Variants in CENPT observed in about 807,000 individuals in gnomAD.
The protein encoded by CENPT is centromere protein T, also known as interphase centromere complex protein 22.
In CENPT, 42 loss-of-function variants were observed where a neutral mutation model predicts 59.7. The ratio of observed to expected loss-of-function variants is 0.70; its 90% CI spans 0.55 to 0.91. The LOEUF is 0.91. CENPT is among the 40% of genes least tolerant of loss of function. The pLI is 0.00. For synonymous variants in CENPT, 295 were observed against 289.6 expected (o/e 1.02, Z -0.19); for missense variants, 716 against 713.4 (o/e 1.00, Z -0.04).
At chr16:67,841,305 G>C (rs1475624795) in intron 1 of CENPT, among the ~76,000 whole-genome samples, 2 of 149,116 alleles carry the variant, frequency 1.3e-5, no homozygotes, top group Non-Finnish European at 3.0e-5. Flanking sequence ...ATAGCTCTCA[G>C]TGGCCTGCAG....
rs1181203317 is a variant in CENPT at position 67,831,324 on chromosome 16, G to A, written c.595C>T (p.Pro199Ser). 1.2e-6 allele frequency: 2 copies of A among 1,614,046 alleles called. No homozygotes were observed. The highest frequency in any genetic ancestry group is 1.7e-6 in the Non-Finnish European group (2 of 1,180,014). ...AAGCCAGGCCTCTGCACTGACTGTG[G>A]CTGAAGAGGTGTGGCAAAGGTCAGG... ...LNLTFATPLQ[P>S]QSVQRPGLAR... is the part of the protein sequence containing the mutation. Residue 199 changes from proline (P) to serine (S), a missense_variant, in exon 10 of 16, where the codon CCA becomes TCA. Pro to Ser is a moderately conservative substitution (Grantham distance 74). Coordinates refer to ENST00000562787, the MANE Select transcript of CENPT (RefSeq NM_025082.4).
intron 1 of CENPT, chr16:67,841,517 C>T (rs2057761111): frequency 6.6e-6 from 1 of 152,032 alleles, no homozygotes; most frequent in South Asian, 2.1e-4. Flanking sequence ...TGGCCCCCAC[C>T]ACCTCCCCCC....
rs763303841 is a variant in CENPT, at chr16:67,843,574, C to G, written c.-492+3827G>C. The G allele has an allele frequency of 4.1e-5, 59 of 1,453,528 alleles. No individual in the cohort carries two copies. Among genetic ancestry groups the G allele is most frequent in the Admixed American group, 3.4e-4 (16 of 46,970 alleles). 90.0% of individuals were successfully genotyped at this position (1,453,528 alleles called of 1,614,324 possible). ...GACCGCAGGCCATTGTTGAACTCCT[C>G]TATACTCCTGGGCACTGGTTGACAG... is the stretch of plus-strand genomic sequence containing the variant. On this transcript the variant is annotated intron_variant, in intron 1 of 15. Coordinates refer to ENST00000562787, the MANE Select transcript of CENPT (RefSeq NM_025082.4). The surrounding 1 kb of genome is among the most constrained non-coding windows in gnomAD (Gnocchi z 5.7).
rs1249042284 is a variant in CENPT at position 67,828,722 on chromosome 16, TAA to T, written c.1400_1401del (p.Phe467Ter). ...TCCATGGGCATCTTGGCATAGAAGC[TAA>T]AGAGTTTCACATAGTGGCTCAGTCC... Reference protein sequence around the residue: ...KAGLSHYVKLFSFYAKMPMER... With the variant: ...KAGLSHYVKLXSFYAKMPMER... On this transcript the variant is annotated frameshift_variant, in exon 14 of 16. Coordinates refer to ENST00000562787, the MANE Select transcript of CENPT (RefSeq NM_025082.4). LOFTEE classifies it high-confidence loss of function. 1.2e-6 allele frequency: 2 copies of T among 1,614,094 alleles called. No individual in the cohort carries two copies. The highest frequency in any genetic ancestry group is 2.2e-5 in the East Asian group (1 of 44,876).
At chr16:67,832,396 C>T in intron 5 of CENPT, 59 bp downstream of exon 5, 9 of 1,608,612 alleles carry the variant, frequency 5.6e-6, no homozygotes, top group Non-Finnish European at 7.7e-6. Flanking sequence ...AGAGCTAGAC[C>T]TCAACCCCCC....
Position 67,831,200 on chromosome 16 carries a change from G to A in CENPT, c.703+16C>T. On this transcript the variant is annotated intron_variant, in intron 10 of 15. Coordinates refer to ENST00000562787, the MANE Select transcript of CENPT (RefSeq NM_025082.4). ...GAGCTTTCCCCAAAGGCCAGCAGGG[G>A]AAAACCCAACCTTACTTGGAGGAGC... 2.5e-6 allele frequency: 4 copies of A among 1,613,806 alleles called. No homozygotes were observed. Among genetic ancestry groups the A allele is most frequent in the South Asian group, 2.2e-5 (2 of 91,074 alleles).
At chr16:67,840,762 A>C (rs2151288601) in intron 1 of CENPT, among the ~76,000 whole-genome samples, 1 of 152,096 alleles carries the variant, frequency 6.6e-6, no homozygotes, top group East Asian at 1.9e-4. Context: ...AATTGGGAGA[A>C]GGAAGAACTC....
chr16:67,839,124 C>T (rs560189982), intron 1 of CENPT, among the ~76,000 whole-genome samples: 32 of 151,628 alleles, frequency 2.1e-4, no homozygotes, highest in Admixed American at 8.5e-4. Flanking sequence ...CGGTGGCTCA[C>T]GCCTGTAATC....
At position 67,843,622 on chromosome 16, in the gene CENPT, ACT is replaced by A. The variant is rs1567374949; in HGVS notation, c.-492+3777_-492+3778del. 4 of 1,005,830 alleles carry A rather than the reference ACT, an allele frequency of 4.0e-6. No homozygotes were observed. Among genetic ancestry groups the A allele is most frequent in the Admixed American group, 6.1e-5 (2 of 32,982 alleles). 62.3% of individuals were successfully genotyped at this position (1,005,830 alleles called of 1,614,324 possible). A position where few individuals can be genotyped will look rare whatever the true frequency, so the allele number is the denominator to read the frequency against. On this transcript the variant is annotated intron_variant, in intron 1 of 15. Transcript: ENST00000562787. This position sits in a 1 kb window ranked among gnomAD's most constrained non-coding sequence, Gnocchi z 5.7. Reference sequence around the variant, plus strand: ...CAGTACTGAGGCTTAAGGCAGCTGGACTCTCTTGCTGGTGACCTGGCATCCTC... The same window carrying A: ...CAGTACTGAGGCTTAAGGCAGCTGGACTCTTGCTGGTGACCTGGCATCCTC...
rs1458336016 is a variant in CENPT, at chr16:67,831,584, G to A, written c.552C>T (p.Ser184=). ...QEPQGNADAS[S]LTRSLNLTFA... is the part of the protein sequence containing the mutation. Reference sequence around the variant, plus strand: ...AACACCCAGAGCAGCACCTGGTGAGGGAAGAGGCATCAGCATTCCCTTGAG... The same window carrying A: ...AACACCCAGAGCAGCACCTGGTGAGAGAAGAGGCATCAGCATTCCCTTGAG... Residue 184 remains serine, a synonymous_variant, in exon 9 of 16, where the codon TCC becomes TCT. Coordinates refer to ENST00000562787, the MANE Select transcript of CENPT (RefSeq NM_025082.4). The A allele has an allele frequency of 1.2e-6, 2 of 1,614,168 alleles. No homozygotes were observed. Among genetic ancestry groups the A allele is most frequent in the Non-Finnish European group, 1.7e-6 (2 of 1,180,024 alleles).
chr16:67,835,861 G>A (rs1403879477), intron 1 of CENPT, among the ~76,000 whole-genome samples: 4 of 145,756 alleles, frequency 2.7e-5, no homozygotes. Context: ...TTTTTGAGAT[G>A]TTCTCCTGCC....
intron 14 of CENPT, 30 bp from the exon 15 acceptor site, chr16:67,828,608 G>A: frequency 3.7e-6 from 6 of 1,613,756 alleles, no homozygotes; most frequent in Non-Finnish European, 5.1e-6. Flanking sequence ...AGAGCAGGCT[G>A]AACAGTCTGA....
chr16:67,830,129 G>C, intron 11 of CENPT, 41 bp from the exon 12 acceptor site: 1 of 1,576,728 alleles, frequency 6.3e-7, no homozygotes, highest in East Asian at 2.2e-5. Context: ...GACGCAGCAG[G>C]CCAAGGCTGC....
At position 67,828,740 on chromosome 16, in the gene CENPT, G is replaced by T. The variant is rs972190232; in HGVS notation, c.1384C>A (p.His462Asn). The T allele has an allele frequency of 6.2e-7, 1 of 1,614,040 alleles. No homozygotes were observed. Among genetic ancestry groups the T allele is most frequent in the South Asian group, 1.1e-5 (1 of 91,070 alleles). ...RQDPHKAGLSHYVKLFSFYAK... is the reference protein window; with the variant it reads ...RQDPHKAGLSNYVKLFSFYAK... ...TAGAAGCTAAAGAGTTTCACATAGT[G>T]GCTCAGTCCAGCCTTGTGGGGATCT... Residue 462 changes from histidine to asparagine, a missense_variant, in exon 14 of 16, where the codon CAC (histidine) becomes AAC (asparagine). His to Asn is a moderately conservative substitution (Grantham distance 68). Coordinates refer to ENST00000562787, the MANE Select transcript of CENPT (RefSeq NM_025082.4).
chr16:67,845,259 C>T (rs1295755954), intron 1 of CENPT, among the ~76,000 whole-genome samples: 1 of 152,172 alleles, frequency 6.6e-6, no homozygotes, highest in Non-Finnish European at 1.5e-5. Flanking sequence ...TAAAATATGA[C>T]TCCCTTCTCT....
At chr16:67,841,312 G>T (rs531200422) in intron 1 of CENPT, among the ~76,000 whole-genome samples, 97 of 150,280 alleles carry the variant, frequency 6.5e-4, no homozygotes, top group African/African-American at 2.0e-3. Context: ...TCAGTGGCCT[G>T]CAGAATAAAA....
rs761912095 is a variant in CENPT, at chr16:67,833,745, C to T, written c.110+5G>A. On this transcript the variant is annotated splice_donor_5th_base_variant and intron_variant, in intron 4 of 15. Coordinates refer to ENST00000562787, the MANE Select transcript of CENPT (RefSeq NM_025082.4). ...CTCAAGTACTCGGGGAGCCCCCTCACATACCCAGCCCGAGCACTCCGGGGT... is the reference window on the plus strand; with the variant it reads ...CTCAAGTACTCGGGGAGCCCCCTCATATACCCAGCCCGAGCACTCCGGGGT... The T allele has an allele frequency of 1.3e-6, 2 of 1,518,456 alleles. No individual in the cohort carries two copies. The highest frequency in any genetic ancestry group is 2.5e-5 in the South Asian group (2 of 80,254). 94.1% of individuals were successfully genotyped at this position (1,518,456 alleles called of 1,614,324 possible).
At chr16:67,829,584 A>C (rs2057661019) in intron 12 of CENPT, 68 bp from the exon 13 acceptor site, 3 of 1,452,080 alleles carry the variant, frequency 2.1e-6, no homozygotes, top group Non-Finnish European at 2.8e-6. Flanking sequence ...CAGCACAGCC[A>C]CAGTATTTCT....
At chr16:67,836,104 G>A (rs182749555) in intron 1 of CENPT, among the ~76,000 whole-genome samples, 2 of 151,464 alleles carry the variant, frequency 1.3e-5, no homozygotes, top group Non-Finnish European at 2.9e-5. Context: ...TTGTTGCCCG[G>A]GATGGAGTGC....
Sources: gnomAD v4.1 joint callset for allele counts (sites outside exome capture counted in the v4.1 genomes callset) on GRCh38, gnomAD v4.1.1 for gene constraint, Gnocchi (gnomAD v3.1) non-coding constraint, MANE v1.5 for transcripts, NCBI Gene and HGNC (gene_info 2026-07-23, HGNC 2026-07-21) for gene names.